Variants in CCSER1 observed in about 807,000 individuals in gnomAD.
The protein encoded by CCSER1 is coiled-coil serine rich protein 1.
CCSER1 carries 41 observed loss-of-function variants against 82.0 expected under a neutral mutation model. The ratio of observed to expected loss-of-function variants is 0.50; its 90% CI spans 0.39 to 0.65. The LOEUF (loss-of-function observed/expected upper bound fraction) is 0.65, where lower values mean the gene tolerates loss of function less well. Among genes scored for constraint, CCSER1 ranks in the 30% least tolerant of loss-of-function variants. The pLI, the probability that CCSER1 is intolerant of heterozygous loss-of-function variation, is 0.00. For synonymous variants in CCSER1, 414 were observed against 383.9 expected (o/e 1.08, Z -0.92); for missense variants, 1,119 against 1,064.2 (o/e 1.05, Z -0.72).
At chr4:90,375,053 C>G (rs959651317) in intron 3 of CCSER1, among the ~76,000 whole-genome samples, 14 of 152,100 alleles carry the variant, frequency 9.2e-5, no homozygotes, top group African/African-American at 2.9e-4. Flanking sequence ...GAAGATTGGC[C>G]ATGAAGTGCA....
intron 10 of CCSER1, among the ~76,000 whole-genome samples, chr4:91,421,083 G>T (rs1753659383): frequency 6.6e-6 from 1 of 152,122 alleles, no homozygotes; most frequent in Non-Finnish European, 1.5e-5. Context: ...TTGGTCAGGG[G>T]TACAAACTGT....
chr4:91,544,718 CCTACTGGGGGGTGCCTCCCAGTTAGG>C (rs1376530216), intron 10 of CCSER1, among the ~76,000 whole-genome samples: 2 of 152,104 alleles, frequency 1.3e-5, no homozygotes, highest in Admixed American at 1.3e-4. Context: ...TCAGTCTGCC[CCTACTGGGGGGTGCCTCCCAGTTAGG>C]CTACTCGGGG....
intron 5 of CCSER1, among the ~76,000 whole-genome samples, chr4:90,568,654 C>T (rs1286534404): frequency 1.3e-5 from 2 of 151,702 alleles, no homozygotes; most frequent in East Asian, 3.9e-4. Context: ...CATTTACATT[C>T]TAGATAATTA....
chr4:91,521,685 GA>G (rs1760481162), intron 10 of CCSER1, among the ~76,000 whole-genome samples: 1 of 152,206 alleles, frequency 6.6e-6, no homozygotes, highest in East Asian at 1.9e-4. Flanking sequence ...CTTCTTTTGA[GA>G]AATGCCTGTT....
intron 10 of CCSER1, among the ~76,000 whole-genome samples, chr4:91,276,190 T>A (rs1258951499): frequency 1.3e-5 from 2 of 151,976 alleles, no homozygotes; most frequent in African/African-American, 2.4e-5. Context: ...TCTATTTCTG[T>A]GAAAAATGAC....
At chr4:90,782,681 C>CTTTTTTTTTTTTTTTTTTTTTTTT (rs200701722) in intron 7 of CCSER1, among the ~76,000 whole-genome samples, 1 of 123,978 alleles carries the variant, frequency 8.1e-6, no homozygotes. Flanking sequence ...TCTTTTCTTT[C>CTTTTTTTTTTTTTTTTTTTTTTTT]TTTCTTTTTT....
chr4:90,991,032 G>A (rs1008908595), intron 9 of CCSER1, among the ~76,000 whole-genome samples: 2 of 151,928 alleles, frequency 1.3e-5, no homozygotes, highest in African/African-American at 2.4e-5. Context: ...TTAGGCAGGT[G>A]TTGGGGCCCA....
chr4:90,833,137 A>C lies in CCSER1; in HGVS notation c.2094+17292A>C, dbSNP rs1761341714. ...ACAGTTTTGGAAGCTGGGAAGTCCAAGATCAAGGAACTGGCAGGTTCAGTG... is the reference window on the plus strand; with the variant it reads ...ACAGTTTTGGAAGCTGGGAAGTCCACGATCAAGGAACTGGCAGGTTCAGTG... On this transcript the variant is annotated intron_variant, in intron 8 of 10. Transcript: ENST00000509176. Among the ~76,000 whole-genome samples, 4 of 152,178 alleles carry C rather than the reference A, an allele frequency of 2.6e-5. No individual in the cohort carries two copies. In the South Asian group the frequency reaches 8.3e-4, roughly 32 times the overall value.
At chr4:90,632,842 G>T (rs915581998) in intron 6 of CCSER1, among the ~76,000 whole-genome samples, 6 of 152,008 alleles carry the variant, frequency 3.9e-5, no homozygotes, top group African/African-American at 1.4e-4. Context: ...ATCAATGATG[G>T]TCCATTTTAC....
chr4:91,248,524 T>G (rs1739992825), intron 10 of CCSER1, among the ~76,000 whole-genome samples: 1 of 152,202 alleles, frequency 6.6e-6, no homozygotes, highest in Non-Finnish European at 1.5e-5. Flanking sequence ...CTTCAGAATC[T>G]AATCTTATAA....
At chr4:91,375,157 T>G (rs1269480384) in intron 10 of CCSER1, among the ~76,000 whole-genome samples, 1 of 152,184 alleles carries the variant, frequency 6.6e-6, no homozygotes, top group East Asian at 1.9e-4. Flanking sequence ...AATATCAACA[T>G]TAACAGGAGT....
At position 91,039,704 on chromosome 4, in the gene CCSER1, T is replaced by C. The variant is rs576848977; in HGVS notation, c.2173-46246T>C. On this transcript the variant is annotated intron_variant, in intron 9 of 10. Transcript: ENST00000509176. ...TGTATGTATAGATCTAAAATGTGTATATATATGAGTATCTTTCTGTAAAAA... is the reference window on the plus strand; with the variant it reads ...TGTATGTATAGATCTAAAATGTGTACATATATGAGTATCTTTCTGTAAAAA... Among the ~76,000 whole-genome samples, 580 of 122,956 alleles carry C rather than the reference T, an allele frequency of 4.7e-3. 4 individuals are homozygous for C. The highest frequency in any genetic ancestry group is 0.015 in the African/African-American group (551 of 36,514). The allele number at this position is 122,956 out of a possible 152,430, so 80.7% of individuals were successfully genotyped here.
At chr4:91,209,953 A>G (rs914653460) in intron 10 of CCSER1, among the ~76,000 whole-genome samples, 6 of 151,828 alleles carry the variant, frequency 4.0e-5, no homozygotes, top group African/African-American at 1.4e-4. Flanking sequence ...CCTACCACCC[A>G]GATCTTAGCT....
intron 10 of CCSER1, among the ~76,000 whole-genome samples, chr4:91,535,618 A>G (rs1054749412): frequency 1.3e-5 from 2 of 152,044 alleles, no homozygotes; most frequent in African/African-American, 4.8e-5. Context: ...ATTCCTATAT[A>G]TTTATCAGTT....
chr4:90,669,290 A>G (rs191609407), intron 6 of CCSER1, among the ~76,000 whole-genome samples: 30 of 152,206 alleles, frequency 2.0e-4, no homozygotes, highest in Non-Finnish European at 3.7e-4. Flanking sequence ...AACTTATTAA[A>G]ATATATGGTC....
chr4:90,130,334 A>G (rs1722600356), intron 1 of CCSER1, among the ~76,000 whole-genome samples: 1 of 152,216 alleles, frequency 6.6e-6, no homozygotes, highest in Non-Finnish European at 1.5e-5. Context: ...ATGTCTAATG[A>G]GTACTACAGG....
At chr4:90,828,423 G>A (rs968830059) in intron 8 of CCSER1, among the ~76,000 whole-genome samples, 5 of 152,146 alleles carry the variant, frequency 3.3e-5, no homozygotes, top group South Asian at 2.1e-4. Flanking sequence ...GGTCAAAAGT[G>A]AGGAGAAGCA....
At chr4:90,262,386 C>G (rs1244209462) in intron 1 of CCSER1, among the ~76,000 whole-genome samples, 1 of 152,064 alleles carries the variant, frequency 6.6e-6, no homozygotes, top group Admixed American at 6.6e-5. Flanking sequence ...GCTTTCTTAG[C>G]TGCTCATTGT....
chr4:90,165,184 C>A (rs145682790), intron 1 of CCSER1, among the ~76,000 whole-genome samples: 2 of 152,078 alleles, frequency 1.3e-5, no homozygotes, highest in East Asian at 1.9e-4. Flanking sequence ...ACCAGTTGTG[C>A]CAAATATTAA....
Sources: allele counts gnomAD v4.1 joint callset (sites outside exome capture counted in the v4.1 genomes callset), GRCh38; gene constraint gnomAD v4.1.1; transcripts MANE v1.5; gene names NCBI Gene and HGNC (gene_info 2026-07-23, HGNC 2026-07-21).